Variants in SERTAD3 observed in about 807,000 individuals in gnomAD.
The protein encoded by SERTAD3 is SERTA domain-containing protein 3.
Under a neutral mutation model 11.9 loss-of-function variants are expected in SERTAD3, and 6 were observed. That is an observed-to-expected ratio of 0.50 (90% CI 0.28 to 0.99). SERTAD3 has a LOEUF of 0.99. Among genes scored for constraint, SERTAD3 ranks in the 50% least tolerant of loss-of-function variants. The probability of loss-of-function intolerance (pLI) is 0.11; values close to 1 mark genes in which losing one functional copy is unlikely to be tolerated. For missense variants in SERTAD3, 261 were observed against 240.9 expected (o/e 1.08, Z -0.55); for synonymous variants, 101 against 98.9 (o/e 1.02, Z -0.13).
chr19:40,444,113 C>T (rs1276910604), intron 1 of SERTAD3, 102 bp downstream of exon 1: 1 of 152,324 alleles, frequency 6.6e-6, no homozygotes, highest in Non-Finnish European at 1.5e-5. Flanking sequence ...CTGAGGCCCC[C>T]TCCCCCGGTC....
Position 40,441,679 on chromosome 19 carries a change from T to G in SERTAD3, c.402A>C (p.Leu134Phe). ...CCAAGTACCGGGAGCTCAGAGCTTC[T>G]AAGAAGACTGGATCAGGCTGGGGTG... is the stretch of plus-strand genomic sequence containing the variant. ...EVPPQPDPVF[L>F]EALSSRYLGD... Residue 134 changes from leucine (L) to phenylalanine (F), a missense_variant, in exon 2 of 2, where the codon TTA becomes TTC. Coordinates refer to ENST00000322354, the MANE Select transcript of SERTAD3 (RefSeq NM_203344.3). 1 of 1,614,158 alleles carries G rather than the reference T, an allele frequency of 6.2e-7. No individual in the cohort carries two copies.
In SERTAD3 at chr19:40,441,607, C is replaced by T. The variant is rs369244395; in HGVS notation, c.474G>A (p.Ala158=). ...DDFFLDIDTS[A]VEKEPARAPP... The stretch of plus-strand genomic sequence containing the variant: ...GGGCCCGTGCAGGCTCCTTTTCTAC[C>T]GCAGATGTGTCAATGTCCAGAAAGA... Residue 158 remains alanine (A), a synonymous_variant, in exon 2 of 2, where the codon GCG becomes GCA. Transcript: ENST00000322354. 61 of 1,613,996 alleles carry T rather than the reference C, an allele frequency of 3.8e-5. No individual in the cohort carries two copies. Among genetic ancestry groups the T allele is most frequent in the South Asian group, 3.2e-4 (29 of 91,078 alleles).
intron 1 of SERTAD3, chr19:40,442,736 C>T (rs1334738743): frequency 6.6e-6 from 1 of 152,436 alleles, no homozygotes; most frequent in Admixed American, 6.6e-5. Flanking sequence ...GACAGGGTCT[C>T]GCTCTGTCGC....
chr19:40,443,120 C>T (rs1481402456), intron 1 of SERTAD3, among the ~76,000 whole-genome samples: 2 of 151,914 alleles, frequency 1.3e-5, no homozygotes, highest in Non-Finnish European at 2.9e-5. Flanking sequence ...CAGCTCAGAC[C>T]AAGCCCCGCC....
intron 1 of SERTAD3, among the ~76,000 whole-genome samples, chr19:40,443,082 G>A (rs1305540497): frequency 6.6e-6 from 1 of 151,632 alleles, no homozygotes; most frequent in Non-Finnish European, 1.5e-5. Flanking sequence ...CCCCCAAAGC[G>A]CGCCCCATAG....
intron 1 of SERTAD3, 177 bp downstream of exon 1, chr19:40,444,038 G>C (rs1364880594): frequency 6.6e-6 from 1 of 152,464 alleles, no homozygotes; most frequent in Non-Finnish European, 1.5e-5. Flanking sequence ...CAACAACCTC[G>C]CCTCCCCTCC....
At position 40,441,124 on chromosome 19, in the gene SERTAD3, T is replaced by A. The variant is rs1331187307; in HGVS notation, c.*366A>T. Reference sequence around the variant, plus strand: ...GTTTCTATAGCAACCTGGCAGCACATCCCTGTCATCCTTCGACAGGCCCAG... The same window carrying A: ...GTTTCTATAGCAACCTGGCAGCACAACCCTGTCATCCTTCGACAGGCCCAG... On this transcript the variant is annotated 3_prime_UTR_variant, in exon 2 of 2. Coordinates refer to ENST00000322354, the MANE Select transcript of SERTAD3 (RefSeq NM_203344.3). The A allele has an allele frequency of 1.8e-5, 3 of 167,746 alleles. No individual in the cohort carries two copies. The highest frequency in any genetic ancestry group is 2.6e-5 in the Non-Finnish European group (2 of 77,286). 10.4% of individuals were successfully genotyped at this position (167,746 alleles called of 1,614,324 possible).
Position 40,441,473 on chromosome 19 carries a change from TC to T in SERTAD3, c.*16del. 1 of 1,540,466 alleles carries T rather than the reference TC, an allele frequency of 6.5e-7. No homozygotes were observed. Among genetic ancestry groups the T allele is most frequent in the Non-Finnish European group, 8.8e-7 (1 of 1,137,254 alleles). On this transcript the variant is annotated 3_prime_UTR_variant, in exon 2 of 2. Coordinates refer to ENST00000322354, the MANE Select transcript of SERTAD3 (RefSeq NM_203344.3). The stretch of plus-strand genomic sequence containing the variant: ...CGAAGATGACATGAGGAAGGATCGA[TC>T]CCCTCTATCACAGTTTTAGGACCCC...
Position 40,441,861 on chromosome 19 carries a change from C to A in SERTAD3, c.220G>T (p.Ala74Ser). The A allele has an allele frequency of 1.9e-6, 3 of 1,576,434 alleles. No homozygotes were observed. The highest frequency in any genetic ancestry group is 2.7e-5 in the African/African-American group (2 of 73,924). The change falls in exon 2 of 2, where the codon GCC becomes TCC. Residue 74 changes from alanine (A) to serine (S), a missense_variant. Physicochemically the swap from Ala to Ser is moderately conservative, Grantham distance 99. Transcript: ENST00000322354. The stretch of plus-strand genomic sequence containing the variant: ...AGGGGCTCGGGGGGCAGGGCAGGGG[C>A]GGGAGCCAGGCGAAGTGCAGCCTGC... ...QLQAALRLAPAPALPPEPLFL... is the reference protein window; with the variant it reads ...QLQAALRLAPSPALPPEPLFL...
rs1254021003 is a variant in SERTAD3 at position 40,441,751 on chromosome 19, C to T, written c.330G>A (p.Glu110=). ...GGGGAGTCACTGGATTCTGAGGGGG[C>T]TCAGTCCCATCCATGGAGGTGTCCA... ...RELDTSMDGT[E]PPQNPVTPLG... The change falls in exon 2 of 2, where the codon GAG becomes GAA. Residue 110 remains glutamate, a synonymous_variant. Coordinates refer to ENST00000322354, the MANE Select transcript of SERTAD3 (RefSeq NM_203344.3). 1 of 1,613,944 alleles carries T rather than the reference C, an allele frequency of 6.2e-7. No individual in the cohort carries two copies. The highest frequency in any genetic ancestry group is 2.2e-5 in the East Asian group (1 of 44,880).
At chr19:40,443,185 T>A (rs1431276662) in intron 1 of SERTAD3, among the ~76,000 whole-genome samples, 3 of 151,572 alleles carry the variant, frequency 2.0e-5, no homozygotes, top group South Asian at 2.1e-4. Flanking sequence ...CGCCCCCCCA[T>A]GGGTCCTTAC....
intron 1 of SERTAD3, among the ~76,000 whole-genome samples, chr19:40,443,193 TACAG>T (rs1408193932): frequency 6.6e-6 from 1 of 151,768 alleles, no homozygotes; most frequent in Non-Finnish European, 1.5e-5. Flanking sequence ...CATGGGTCCT[TACAG>T]AGCATCCAGG....
chr19:40,442,052 G>T lies in SERTAD3; in HGVS notation c.29C>A (p.Ser10Tyr). ...CCTCTCCTCCTCCTCTTCCAAATCAGAGTGTTTCCTCTTCAAGCCTCCCAC... is the reference window on the plus strand; with the variant it reads ...CCTCTCCTCCTCCTCTTCCAAATCATAGTGTTTCCTCTTCAAGCCTCCCAC... MVGGLKRKH[S>Y]DLEEEEERWE... The change falls in exon 2 of 2, where the codon TCT becomes TAT. Residue 10 changes from serine to tyrosine, a missense_variant. Transcript: ENST00000322354. 6.7e-7 allele frequency: 1 copy of T among 1,497,092 alleles called. No individual in the cohort carries two copies. The highest frequency in any genetic ancestry group is 8.9e-7 in the Non-Finnish European group (1 of 1,125,012). The allele number at this position is 1,497,092 out of a possible 1,614,324, so 92.7% of individuals were successfully genotyped here. A position where few individuals can be genotyped will look rare whatever the true frequency, so the allele number is the denominator to read the frequency against.
Position 40,440,866 on chromosome 19 carries a change from T to C in SERTAD3, c.*624A>G, listed in dbSNP as rs1231555566. The C allele has an allele frequency of 1.3e-5, 1 of 75,112 alleles. No individual in the cohort carries two copies. Among genetic ancestry groups the C allele is most frequent in the Non-Finnish European group, 2.7e-5 (1 of 36,828 alleles). 4.7% of individuals were successfully genotyped at this position (75,112 alleles called of 1,614,324 possible). ...TCCCTCCTTCCAAAATACTTTTATT[T>C]AAAAAAATTACAAACAATCCAAAAA... On this transcript the variant is annotated 3_prime_UTR_variant, in exon 2 of 2. Coordinates refer to ENST00000322354, the MANE Select transcript of SERTAD3 (RefSeq NM_203344.3).
Position 40,441,554 on chromosome 19 carries a change from CAG to C in SERTAD3, c.525_526del (p.Phe175LeufsTer10). 6.2e-7 allele frequency: 1 copy of C among 1,614,080 alleles called. No homozygotes were observed. Among genetic ancestry groups the C allele is most frequent in the Non-Finnish European group, 8.5e-7 (1 of 1,180,000 alleles). ...ATTCCACTCCCAAGAACCTGGGGCA[CAG>C]AAGAGGTTGTGAGGAGGCTCTGGTG... On this transcript the variant is annotated frameshift_variant, in exon 2 of 2. Coordinates refer to ENST00000322354, the MANE Select transcript of SERTAD3 (RefSeq NM_203344.3). LOFTEE classifies it high-confidence loss of function.
At chr19:40,442,213 T>C (rs1210892836) in intron 1 of SERTAD3, 127 bp from the exon 2 acceptor site, 2 of 492,218 alleles carry the variant, frequency 4.1e-6, no homozygotes, top group Non-Finnish European at 6.6e-6. Flanking sequence ...AGTTTACTGA[T>C]GTATAAAATG....
chr19:40,443,196 A>T (rs2079691467), intron 1 of SERTAD3, among the ~76,000 whole-genome samples: 1 of 151,928 alleles, frequency 6.6e-6, no homozygotes, highest in Non-Finnish European at 1.5e-5. Flanking sequence ...GGGTCCTTAC[A>T]GAGCATCCAG....
intron 1 of SERTAD3, among the ~76,000 whole-genome samples, chr19:40,442,795 T>C (rs2079688394): frequency 6.6e-6 from 1 of 151,772 alleles, no homozygotes. Context: ...AGTCTCGAAG[T>C]CCTGGGCTCA....
At chr19:40,442,262 C>T (rs2079684689) in intron 1 of SERTAD3, 176 bp from the exon 2 acceptor site, 2 of 407,198 alleles carry the variant, frequency 4.9e-6, no homozygotes, top group African/African-American at 4.1e-5. Context: ...AAGGTGAGTA[C>T]ATATACGATT....
Sources: gnomAD v4.1 joint callset for allele counts (sites outside exome capture counted in the v4.1 genomes callset) on GRCh38, gnomAD v4.1.1 for gene constraint, MANE v1.5 for transcripts, NCBI Gene and HGNC (gene_info 2026-07-23, HGNC 2026-07-21) for gene names.